Variants in C12orf42 observed in about 807,000 individuals in gnomAD.
The protein encoded by C12orf42 is uncharacterized protein C12orf42.
A neutral mutation model predicts 21.6 loss-of-function variants in C12orf42; 25 were observed. That is an observed-to-expected ratio of 1.16 (90% CI 0.84 to 1.62). The LOEUF (loss-of-function observed/expected upper bound fraction) is 1.62. C12orf42 is among the 40% of genes most tolerant of loss of function. The pLI is 0.00. For missense variants in C12orf42, 483 were observed against 459.3 expected (o/e 1.05, Z -0.47); for synonymous variants, 174 against 175.0 (o/e 0.99, Z 0.05).
chr12:103,221,716 G>A, the C12orf42 span, among the ~76,000 whole-genome samples: 90 of 152,260 alleles, frequency 5.9e-4, 1 homozygote, highest in African/African-American at 1.9e-3. Flanking sequence ...TTTTATGGCC[G>A]TGGACAAACC....
chr12:103,351,887 G>A (rs373587095), intron 4 of C12orf42, among the ~76,000 whole-genome samples: 1 of 151,998 alleles, frequency 6.6e-6, no homozygotes, highest in African/African-American at 2.4e-5. Flanking sequence ...TTCCTTAAAA[G>A]CCTCTTTTCT....
the C12orf42 span, among the ~76,000 whole-genome samples, chr12:103,187,012 A>G: frequency 6.6e-6 from 1 of 152,226 alleles, no homozygotes; most frequent in Admixed American, 6.5e-5. Flanking sequence ...CAAAAGCACA[A>G]TAAAACATTA....
intron 10 of C12orf42, among the ~76,000 whole-genome samples, chr12:103,256,189 T>TAC (rs1277108968): frequency 8.1e-5 from 10 of 123,388 alleles, no homozygotes; most frequent in Non-Finnish European, 1.6e-4. Flanking sequence ...TACATATATA[T>TAC]ACACATATAT....
chr12:103,350,410 G>A (rs547182783), intron 4 of C12orf42, among the ~76,000 whole-genome samples: 4 of 152,198 alleles, frequency 2.6e-5, no homozygotes, highest in South Asian at 2.1e-4. Flanking sequence ...TCACAATATC[G>A]CAGTGCTTGT....
At chr12:103,556,908 A>T in the C12orf42 span, among the ~76,000 whole-genome samples, 1 of 150,408 alleles carries the variant, frequency 6.6e-6, no homozygotes, top group East Asian at 2.0e-4. Flanking sequence ...CCATCTAAAG[A>T]TGGATGCAGA....
intron 1 of C12orf42, among the ~76,000 whole-genome samples, chr12:103,479,545 C>T (rs975336136): frequency 2.0e-5 from 3 of 152,008 alleles, no homozygotes; most frequent in African/African-American, 7.2e-5. Flanking sequence ...ATACATTTCC[C>T]CATCAAGTAT....
At chr12:103,383,265 C>T (rs2046334823) in intron 3 of C12orf42, among the ~76,000 whole-genome samples, 1 of 151,926 alleles carries the variant, frequency 6.6e-6, no homozygotes, top group Non-Finnish European at 1.5e-5. Context: ...CCATGCTTGG[C>T]TAATTTTTTT....
At chr12:103,307,449 C>T (rs2038478221) in intron 4 of C12orf42, among the ~76,000 whole-genome samples, 5 of 152,168 alleles carry the variant, frequency 3.3e-5, no homozygotes, top group Admixed American at 1.3e-4. Context: ...TGACAGCCTA[C>T]TGTGTCAACT....
chr12:103,328,652 C>T (rs56207825), intron 4 of C12orf42, among the ~76,000 whole-genome samples: 6 of 152,126 alleles, frequency 3.9e-5, no homozygotes, highest in African/African-American at 1.4e-4. Flanking sequence ...GAACAGAAAA[C>T]ATTTTTATTC....
At chr12:103,061,435 T>A in the C12orf42 span, among the ~76,000 whole-genome samples, 2 of 151,698 alleles carry the variant, frequency 1.3e-5, no homozygotes, top group African/African-American at 2.4e-5. Flanking sequence ...CCTTAAGGAC[T>A]TTTTTTTTCT....
At chr12:103,269,343 C>T (rs2035327168) in intron 6 of C12orf42, among the ~76,000 whole-genome samples, 1 of 152,046 alleles carries the variant, frequency 6.6e-6, no homozygotes, top group South Asian at 2.1e-4. Context: ...TGAGGGAGCA[C>T]CTGGGCTCAA....
chr12:103,454,858 C>A (rs531171667), intron 2 of C12orf42, among the ~76,000 whole-genome samples: 1 of 152,140 alleles, frequency 6.6e-6, no homozygotes, highest in Non-Finnish European at 1.5e-5. Flanking sequence ...TTGAACAGCA[C>A]GTGTCTCACA....
At chr12:103,076,658 C>T in the C12orf42 span, among the ~76,000 whole-genome samples, 1 of 152,110 alleles carries the variant, frequency 6.6e-6, no homozygotes, top group Non-Finnish European at 1.5e-5. Flanking sequence ...CTAACTGAAA[C>T]TATTCTTTTC....
the C12orf42 span, among the ~76,000 whole-genome samples, chr12:103,517,683 A>T: frequency 1.5e-5 from 2 of 135,628 alleles, no homozygotes; most frequent in African/African-American, 7.6e-5. Flanking sequence ...GCTTTGAATT[A>T]TTTTTTTTCA....
At chr12:103,432,421 C>G (rs931054564) in intron 2 of C12orf42, among the ~76,000 whole-genome samples, 4 of 152,194 alleles carry the variant, frequency 2.6e-5, no homozygotes, top group African/African-American at 9.6e-5. Context: ...AGTGGGAGGA[C>G]CCTCTCCTGC....
At chr12:103,316,944 C>T (rs901725465) in intron 4 of C12orf42, among the ~76,000 whole-genome samples, 1 of 152,174 alleles carries the variant, frequency 6.6e-6, no homozygotes, top group East Asian at 1.9e-4. Flanking sequence ...TCTGGGTAAC[C>T]ACTTCACTTC....
the C12orf42 span, among the ~76,000 whole-genome samples, chr12:103,114,107 G>A: frequency 1.4e-4 from 21 of 151,890 alleles, 1 homozygote; most frequent in South Asian, 1.2e-3. Flanking sequence ...CTTTAATACC[G>A]TGACTAGTAA....
At chr12:103,552,123 T>C in the C12orf42 span, among the ~76,000 whole-genome samples, 207 of 152,334 alleles carry the variant, frequency 1.4e-3, 2 homozygotes, top group African/African-American at 4.6e-3. Context: ...TTATGAGAAA[T>C]TGCATTTACT....
At chr12:103,201,048 G>C in the C12orf42 span, among the ~76,000 whole-genome samples, 1 of 152,182 alleles carries the variant, frequency 6.6e-6, no homozygotes, top group African/African-American at 2.4e-5. Flanking sequence ...TAGTCAGTTG[G>C]CGAGAGGTCA....
Sources: gnomAD v4.1 joint callset for allele counts (sites outside exome capture counted in the v4.1 genomes callset) on GRCh38, gnomAD v4.1.1 for gene constraint, MANE v1.5 for transcripts, NCBI Gene and HGNC (gene_info 2026-07-23, HGNC 2026-07-21) for gene names.